The following STPG2 variants were observed in gnomAD, a reference collection of about 807,000 sequenced individuals.
STPG2 encodes sperm tail PG-rich repeat containing 2, also known as sperm-tail PG-rich repeat-containing protein 2.
A neutral mutation model predicts 54.2 loss-of-function variants in STPG2; 56 were observed. The ratio of observed to expected loss-of-function variants is 1.03; its 90% confidence interval spans 0.83 to 1.29. The LOEUF is 1.29. STPG2 is among the 50% of genes most tolerant of loss of function. The pLI, the probability that STPG2 is intolerant of heterozygous loss-of-function variation, is 0.00. For synonymous variants in STPG2, 200 were observed against 181.8 expected (o/e 1.10, Z -0.81); for missense variants, 596 against 544.9 (o/e 1.09, Z -0.93).
At chr4:97,496,906 T>A (rs1457035673) in intron 4 of STPG2, among the ~76,000 whole-genome samples, 1 of 151,612 alleles carries the variant, frequency 6.6e-6, no homozygotes, top group East Asian at 1.9e-4. Flanking sequence ...AGTTCATGAC[T>A]CCATTAAGAA....
chr4:97,930,864 G>T (rs374699920), intron 8 of STPG2, among the ~76,000 whole-genome samples: 6 of 152,174 alleles, frequency 3.9e-5, no homozygotes, highest in African/African-American at 1.4e-4. Context: ...ATTACTTTGA[G>T]CAGTGTTTTG....
At chr4:97,455,137 C>A (rs531600970) in intron 4 of STPG2, among the ~76,000 whole-genome samples, 3 of 151,904 alleles carry the variant, frequency 2.0e-5, no homozygotes, top group Non-Finnish European at 2.9e-5. Context: ...GTGTAAAATG[C>A]AAAACTAGAA....
In STPG2 at chr4:97,972,291, C is replaced by G. The variant is rs1307422619; in HGVS notation, c.922G>C (p.Ala308Pro). ...TATGAATGTATTACCTGATAATCAGCAGGTCCAGGGGTAGCACAAGCTTCT... is the reference window on the plus strand; with the variant it reads ...TATGAATGTATTACCTGATAATCAGGAGGTCCAGGGGTAGCACAAGCTTCT... ...QKEACATPGPADYQEFWHSQG... is the reference protein window; with the variant it reads ...QKEACATPGPPDYQEFWHSQG... The change falls in exon 7 of 11, where the codon GCT (alanine) becomes CCT (proline). Residue 308 changes from alanine to proline, a missense_variant. By Grantham distance (27) the Ala-to-Pro change is conservative. Coordinates refer to ENST00000295268, the MANE Select transcript of STPG2 (RefSeq NM_174952.3). 6.3e-7 allele frequency: 1 copy of G among 1,578,956 alleles called. No homozygotes were observed. Among genetic ancestry groups the G allele is most frequent in the Non-Finnish European group, 8.6e-7 (1 of 1,164,394 alleles).
intron 4 of STPG2, among the ~76,000 whole-genome samples, chr4:97,510,560 T>C (rs1463738653): frequency 6.6e-6 from 1 of 152,086 alleles, no homozygotes; most frequent in Non-Finnish European, 1.5e-5. Flanking sequence ...AGCAGCCCCC[T>C]ATCTTTTTGG....
At chr4:97,899,166 T>C (rs1426516467) in intron 8 of STPG2, among the ~76,000 whole-genome samples, 3 of 151,888 alleles carry the variant, frequency 2.0e-5, no homozygotes, top group Non-Finnish European at 2.9e-5. Flanking sequence ...CTACCTTACC[T>C]ATACACCAAC....
chr4:97,702,147 G>A (rs964259825), intron 10 of STPG2, among the ~76,000 whole-genome samples: 7 of 152,048 alleles, frequency 4.6e-5, no homozygotes, highest in African/African-American at 1.7e-4. Context: ...CAAACCAAGG[G>A]ATACCACACA....
intron 9 of STPG2, among the ~76,000 whole-genome samples, chr4:97,713,476 C>T (rs1343867529): frequency 6.6e-6 from 1 of 152,122 alleles, no homozygotes; most frequent in Non-Finnish European, 1.5e-5. Flanking sequence ...CTTTTGAGAA[C>T]CACTTTCATA....
At chr4:97,507,809 C>CAA (rs1189792401) in intron 4 of STPG2, among the ~76,000 whole-genome samples, 2 of 152,030 alleles carry the variant, frequency 1.3e-5, no homozygotes, top group Non-Finnish European at 2.9e-5. Flanking sequence ...GCCTTCCCCA[C>CAA]AAAGAGTCAG....
At chr4:97,445,307 T>G (rs775561165) in intron 4 of STPG2, among the ~76,000 whole-genome samples, 2 of 152,276 alleles carry the variant, frequency 1.3e-5, no homozygotes, top group Middle Eastern at 3.4e-3. Context: ...TTGACATTAT[T>G]GTACACATTG....
At chr4:97,703,731 ATAAT>A (rs1723857995) in intron 10 of STPG2, among the ~76,000 whole-genome samples, 2 of 116,276 alleles carry the variant, frequency 1.7e-5, no homozygotes, top group East Asian at 2.3e-4. Context: ...TTTAGTATAT[ATAAT>A]ATATTATCGT....
chr4:98,089,582 C>T (rs1038488833), intron 5 of STPG2, among the ~76,000 whole-genome samples: 1 of 151,794 alleles, frequency 6.6e-6, no homozygotes, highest in Non-Finnish European at 1.5e-5. Context: ...AGTGGGATTG[C>T]TGGATTGAAT....
At chr4:98,025,166 TG>T (rs1438702322) in intron 5 of STPG2, among the ~76,000 whole-genome samples, 2 of 152,350 alleles carry the variant, frequency 1.3e-5, no homozygotes, top group African/African-American at 4.8e-5. Flanking sequence ...TTAATACAGC[TG>T]GCAAGTAATT....
intron 5 of STPG2, among the ~76,000 whole-genome samples, chr4:98,060,675 G>GAACTATA (rs1737622389): frequency 6.6e-6 from 1 of 152,072 alleles, no homozygotes; most frequent in African/African-American, 2.4e-5. Flanking sequence ...ATACTACAGG[G>GAACTATA]CTACAGTAAC....
intron 4 of STPG2, among the ~76,000 whole-genome samples, chr4:97,493,675 C>T (rs1302216699): frequency 1.3e-5 from 2 of 151,414 alleles, no homozygotes; most frequent in Non-Finnish European, 3.0e-5. Context: ...GATGTAAGTG[C>T]CAACTGTCTT....
chr4:97,988,699 C>T (rs867709895), intron 5 of STPG2, among the ~76,000 whole-genome samples: 2 of 152,172 alleles, frequency 1.3e-5, no homozygotes, highest in Non-Finnish European at 2.9e-5. Context: ...CTCCGCCTCC[C>T]GTGCTCAAGC....
intron 10 of STPG2, among the ~76,000 whole-genome samples, chr4:97,667,762 G>T (rs1244419002): frequency 6.6e-6 from 1 of 152,114 alleles, no homozygotes; most frequent in East Asian, 1.9e-4. Context: ...TTTGGAAAAT[G>T]ATGGCAGGTG....
chr4:97,779,760 G>C (rs1382044124), intron 9 of STPG2, among the ~76,000 whole-genome samples: 1 of 152,226 alleles, frequency 6.6e-6, no homozygotes, highest in Admixed American at 6.5e-5. Context: ...AGCCAGAAGA[G>C]AGTGGGGGCC....
chr4:98,064,753 A>G (rs750662678), intron 5 of STPG2, among the ~76,000 whole-genome samples: 2 of 152,216 alleles, frequency 1.3e-5, no homozygotes, highest in Non-Finnish European at 2.9e-5. Flanking sequence ...GAGTGGCTTA[A>G]TGTTAGAAAA....
chr4:97,592,815 C>A (rs1733179455), intron 10 of STPG2, among the ~76,000 whole-genome samples: 1 of 152,072 alleles, frequency 6.6e-6, no homozygotes, highest in Admixed American at 6.5e-5. Context: ...GGAATCCTGG[C>A]AGCTGGAGAC....
Sources: allele counts gnomAD v4.1 joint callset (sites outside exome capture counted in the v4.1 genomes callset), GRCh38; gene constraint gnomAD v4.1.1; transcripts MANE v1.5; gene names NCBI Gene and HGNC (gene_info 2026-07-23, HGNC 2026-07-21).